Variants in GLB1 observed in about 807,000 individuals in gnomAD.
GLB1 encodes the protein beta-galactosidase.
Under a neutral mutation model 74.0 loss-of-function variants are expected in GLB1, and 56 were observed. That is an observed-to-expected ratio of 0.76 (90% CI 0.61 to 0.94). GLB1 has a LOEUF of 0.94. Among genes scored for constraint, GLB1 ranks in the 40% least tolerant of loss-of-function variants. The probability of loss-of-function intolerance (pLI) is 0.00; values close to 1 mark genes in which losing one functional copy is unlikely to be tolerated. For synonymous variants in GLB1, 323 were observed against 323.6 expected (o/e 1.00, Z 0.02); for missense variants, 787 against 845.5 (o/e 0.93, Z 0.86).
chr3:33,026,782 C>T (rs1251150304), intron 10 of GLB1, among the ~76,000 whole-genome samples: 2 of 152,024 alleles, frequency 1.3e-5, no homozygotes, highest in African/African-American at 2.4e-5. Context: ...GACAATCTAC[C>T]CACAGAGAGG....
chr3:33,021,526 C>CAAGTAGAAAA (rs1246338568), intron 12 of GLB1, 40 bp downstream of exon 12: 1 of 1,601,230 alleles, frequency 6.2e-7, no homozygotes, highest in Admixed American at 1.7e-5. Flanking sequence ...CACACTTTTG[C>CAAGTAGAAAA]AAGTAGAAAA....
intron 1 of GLB1, among the ~76,000 whole-genome samples, chr3:33,076,630 G>C (rs1330935980): frequency 6.6e-6 from 1 of 152,192 alleles, no homozygotes; most frequent in African/African-American, 2.4e-5. Flanking sequence ...TGTTCTTGGG[G>C]AGAAATCTGA....
intron 11 of GLB1, among the ~76,000 whole-genome samples, chr3:33,022,564 ATTTTT>A (rs61013692): frequency 6.3e-5 from 4 of 63,746 alleles, no homozygotes; most frequent in South Asian, 1.1e-3. Flanking sequence ...ACTGGTTAGG[ATTTTT>A]TTTTTTTTTT....
rs2125548864 is a variant in GLB1, at chr3:33,068,972, TGCCAAGACACACACA to T, written c.246-17_246-3del. 6.2e-7 allele frequency: 1 copy of T among 1,614,142 alleles called. No homozygotes were observed. Among genetic ancestry groups the T allele is most frequent in the South Asian group, 1.1e-5 (1 of 91,070 alleles). ...TCATGAAAGTTCCAGGGCACATACCTGCCAAGACACACACAGCCCCTTCCTGGATACTTGGCAGAG... is the reference window on the plus strand; with the variant it reads ...TCATGAAAGTTCCAGGGCACATACCTGCCCCTTCCTGGATACTTGGCAGAG... On this transcript the variant is annotated splice_polypyrimidine_tract_variant and splice_region_variant and intron_variant, in intron 2 of 15. Transcript: ENST00000307363.
intron 1 of GLB1, among the ~76,000 whole-genome samples, chr3:33,087,060 T>A (rs1018549486): frequency 6.9e-6 from 1 of 145,256 alleles, no homozygotes. Flanking sequence ...AAAGAAGATA[T>A]AAATAAATCA....
chr3:33,034,645 G>T (rs1698195171), intron 10 of GLB1: 3 of 729,296 alleles, frequency 4.1e-6, no homozygotes, highest in East Asian at 2.6e-5. Flanking sequence ...TGTAGCATGC[G>T]GGCAGGTCCA....
intron 15 of GLB1, among the ~76,000 whole-genome samples, chr3:33,007,311 A>C (rs977548818): frequency 7.9e-5 from 12 of 152,220 alleles, no homozygotes; most frequent in African/African-American, 2.9e-4. Flanking sequence ...CAATTATAGA[A>C]CATTTCGTCA....
chr3:32,999,685 G>A (rs545230674), intron 15 of GLB1, among the ~76,000 whole-genome samples: 1 of 152,096 alleles, frequency 6.6e-6, no homozygotes, highest in African/African-American at 2.4e-5. Context: ...CATTGCTCTG[G>A]GGAGGTTATC....
At chr3:33,018,614 G>T (rs1334512027) in intron 12 of GLB1, 53 bp from the exon 13 acceptor site, 3 of 1,585,678 alleles carry the variant, frequency 1.9e-6, no homozygotes, top group South Asian at 1.1e-5. Flanking sequence ...TTCATTTAGA[G>T]AACTTGGTTA....
intron 10 of GLB1, among the ~76,000 whole-genome samples, chr3:33,035,372 C>T (rs149901041): frequency 0.011 from 1,610 of 151,924 alleles, 8 homozygotes; most frequent in Non-Finnish European, 0.017. Flanking sequence ...TTTGAAGCTG[C>T]AGTGAGCTAT....
rs148879849 is a variant in GLB1, at chr3:33,074,167, G to A, written c.76-1454C>T. On this transcript the variant is annotated intron_variant, in intron 1 of 15. Transcript: ENST00000307363. ...ATCCTGGCCAACATGGTGAAACCCC[G>A]TCTCTACCAAAAATTAAAAAAAAAA... Among the ~76,000 whole-genome samples the A allele has an allele frequency of 3.0e-3, 330 of 110,184 alleles. 6 individuals carry two copies. In the South Asian group the frequency reaches 0.063, roughly 21 times the overall value. 72.3% of individuals were successfully genotyped at this position (110,184 alleles called of 152,430 possible).
At position 33,075,141 on chromosome 3, in the gene GLB1, G is replaced by A. The variant is rs573398287; in HGVS notation, c.76-2428C>T. Among the ~76,000 whole-genome samples, 7 of 152,314 alleles carry A rather than the reference G, an allele frequency of 4.6e-5. No homozygotes were observed. The South Asian group carries it at 1.4e-3, about 32-fold the overall frequency. On this transcript the variant is annotated intron_variant, in intron 1 of 15. Transcript: ENST00000307363. ...TATTTCTTACACCAGGTGTCTCAAT[G>A]GATGCTCTTGAAAACATTCTCATAG...
intron 10 of GLB1, among the ~76,000 whole-genome samples, chr3:33,024,598 T>C (rs896674452): frequency 6.6e-6 from 1 of 151,980 alleles, no homozygotes; most frequent in African/African-American, 2.4e-5. Flanking sequence ...GTAGAGAGAA[T>C]GAGGGTAAAC....
At chr3:33,021,800 G>T in intron 11 of GLB1, 145 bp from the exon 12 acceptor site, 1 of 895,102 alleles carries the variant, frequency 1.1e-6, no homozygotes, top group Non-Finnish European at 1.8e-6. Flanking sequence ...ACTCAGTATT[G>T]CTTCCCAGTC....
At chr3:32,980,942 T>C in the GLB1 span, among the ~76,000 whole-genome samples, 1 of 150,796 alleles carries the variant, frequency 6.6e-6, no homozygotes, top group African/African-American at 2.4e-5. Context: ...AATACAAAAA[T>C]TAGCTGGGCA....
chr3:33,019,056 A>C (rs1019844109), intron 12 of GLB1, among the ~76,000 whole-genome samples: 3 of 152,210 alleles, frequency 2.0e-5, no homozygotes, highest in African/African-American at 7.2e-5. Flanking sequence ...AGTGGCATGC[A>C]CCTGTAGTCT....
Position 33,068,285 on chromosome 3 carries a change from TC to T in GLB1, c.401del (p.Gly134AspfsTer7). 6.2e-7 allele frequency: 1 copy of T among 1,613,998 alleles called. No individual in the cohort carries two copies. The highest frequency in any genetic ancestry group is 8.5e-7 in the Non-Finnish European group (1 of 1,179,980). On this transcript the variant is annotated frameshift_variant, in exon 4 of 16. Transcript: ENST00000307363. LOFTEE classifies it high-confidence loss of function. ...CTTTCTCTAGCAGCCAAGCAGGTAA[TC>T]CTCCCTAGTTCAGGGAAAACAAGCC... is the stretch of plus-strand genomic sequence containing the variant. ...PYICAEWEMG[G>X]LPAWLLEKES...
chr3:33,026,278 C>T (rs1290053339), intron 10 of GLB1, among the ~76,000 whole-genome samples: 2 of 152,238 alleles, frequency 1.3e-5, no homozygotes, highest in African/African-American at 4.8e-5. Context: ...GGGGCTGAGC[C>T]CACGTGCTGT....
At chr3:33,024,186 T>C in intron 11 of GLB1, 65 bp downstream of exon 11, 1 of 1,526,344 alleles carries the variant, frequency 6.6e-7, no homozygotes, top group Non-Finnish European at 8.9e-7. Flanking sequence ...CACTCACTGC[T>C]ACTAAATTCC....
Sources: gnomAD v4.1 joint callset for allele counts (sites outside exome capture counted in the v4.1 genomes callset) on GRCh38, gnomAD v4.1.1 for gene constraint, MANE v1.5 for transcripts, NCBI Gene and HGNC (gene_info 2026-07-23, HGNC 2026-07-21) for gene names.